The following ANGPT1 variants were observed in gnomAD, a reference collection of about 807,000 sequenced individuals.
The protein encoded by ANGPT1 is angiopoietin 1, also known as angiopoietin-1.
In ANGPT1, 17 loss-of-function variants were observed where a neutral mutation model predicts 62.2. That is an observed-to-expected ratio of 0.27 (90% CI 0.19 to 0.41). The LOEUF is 0.41. ANGPT1 is among the 10% of genes least tolerant of loss of function. The probability of loss-of-function intolerance (pLI) is 1.00; values close to 1 mark genes in which losing one functional copy is unlikely to be tolerated. For synonymous variants in ANGPT1, 199 were observed against 198.9 expected (o/e 1.00, Z 0.00); for missense variants, 478 against 594.9 (o/e 0.80, Z 2.04).
chr8:107,399,189 T>C (rs1251970990), intron 1 of ANGPT1, among the ~76,000 whole-genome samples: 1 of 152,140 alleles, frequency 6.6e-6, no homozygotes, highest in Non-Finnish European at 1.5e-5. Context: ...TCACTTCATC[T>C]CCTATTCCAG....
chr8:107,260,122 GA>G lies in ANGPT1; in HGVS notation c.1336+4098del, dbSNP rs1173967763. Among the ~76,000 whole-genome samples, 2 of 152,126 alleles carry G rather than the reference GA, an allele frequency of 1.3e-5. 1 individual carries two copies. The highest frequency in any genetic ancestry group is 2.9e-5 in the Non-Finnish European group (2 of 67,982). ...CCAAGAAATAAGGAAGTTAGGAAAT[GA>G]AGAACAAAGATCAAGTCCTACCTTG... On this transcript the variant is annotated intron_variant, in intron 8 of 8. Coordinates refer to ENST00000517746, the MANE Select transcript of ANGPT1 (RefSeq NM_001146.5).
chr8:107,406,460 A>G (rs1817149884), intron 1 of ANGPT1, among the ~76,000 whole-genome samples: 1 of 152,068 alleles, frequency 6.6e-6, no homozygotes, highest in Non-Finnish European at 1.5e-5. Flanking sequence ...TATATACTCT[A>G]GAGTGATATT....
At chr8:107,347,712 T>C (rs1270250206) in intron 1 of ANGPT1, among the ~76,000 whole-genome samples, 2 of 152,156 alleles carry the variant, frequency 1.3e-5, no homozygotes, top group Admixed American at 1.3e-4. Context: ...CAATGATATA[T>C]GAAATGAGCT....
chr8:107,376,762 G>A (rs932659465), intron 1 of ANGPT1, among the ~76,000 whole-genome samples: 18 of 151,988 alleles, frequency 1.2e-4, no homozygotes, highest in African/African-American at 4.4e-4. Context: ...TCTGACTTTC[G>A]GTTCTCACTA....
chr8:107,483,213 A>C (rs1049142003), intron 1 of ANGPT1, among the ~76,000 whole-genome samples: 12 of 152,196 alleles, frequency 7.9e-5, no homozygotes, highest in African/African-American at 2.9e-4. Context: ...TGCAAATTGC[A>C]CAAGTTTGAT....
At chr8:107,285,109 A>G (rs1364901581) in intron 6 of ANGPT1, among the ~76,000 whole-genome samples, 1 of 152,162 alleles carries the variant, frequency 6.6e-6, no homozygotes, top group Non-Finnish European at 1.5e-5. Flanking sequence ...TATAAAATAA[A>G]TCTAGTTAAT....
At chr8:107,451,076 C>T (rs970516662) in intron 1 of ANGPT1, among the ~76,000 whole-genome samples, 3 of 151,748 alleles carry the variant, frequency 2.0e-5, no homozygotes, top group African/African-American at 7.3e-5. Flanking sequence ...CTTTTAATGG[C>T]CATACCTTTA....
intron 8 of ANGPT1, among the ~76,000 whole-genome samples, chr8:107,257,504 T>C (rs1489450137): frequency 6.6e-6 from 1 of 152,200 alleles, no homozygotes; most frequent in African/African-American, 2.4e-5. Context: ...AAAACACCTC[T>C]CAACACTTCT....
intron 1 of ANGPT1, among the ~76,000 whole-genome samples, chr8:107,477,182 C>G (rs968504768): frequency 1.3e-4 from 20 of 152,148 alleles, no homozygotes; most frequent in Non-Finnish European, 1.5e-5. Context: ...CCTGACCTAT[C>G]ACACCTACTC....
chr8:107,346,151 C>T (rs555448535), intron 2 of ANGPT1, among the ~76,000 whole-genome samples: 1 of 152,066 alleles, frequency 6.6e-6, no homozygotes, highest in African/African-American at 2.4e-5. Context: ...ATGCCAGTAT[C>T]GCAAATGAAA....
intron 1 of ANGPT1, among the ~76,000 whole-genome samples, chr8:107,405,985 G>A (rs1817140906): frequency 6.6e-6 from 1 of 151,786 alleles, no homozygotes; most frequent in Non-Finnish European, 1.5e-5. Flanking sequence ...GGGTGTTTAT[G>A]TTTAAATAAT....
chr8:107,413,550 C>T lies in ANGPT1; in HGVS notation c.298-66453G>A, dbSNP rs559328702. Among the ~76,000 whole-genome samples, 372 of 150,542 alleles carry T rather than the reference C, an allele frequency of 2.5e-3. 2 individuals are homozygous for T. Among genetic ancestry groups the T allele is most frequent in the Non-Finnish European group, 4.3e-3 (291 of 67,748 alleles). ...GTGAACTATTACATATTAAATATTA[C>T]ATTAAATTAAAATAATAAATATTAA... On this transcript the variant is annotated intron_variant, in intron 1 of 8. Coordinates refer to ENST00000517746, the MANE Select transcript of ANGPT1 (RefSeq NM_001146.5).
At chr8:107,312,895 GA>G (rs1814910753) in intron 4 of ANGPT1, among the ~76,000 whole-genome samples, 1 of 152,060 alleles carries the variant, frequency 6.6e-6, no homozygotes, top group Admixed American at 6.5e-5. Context: ...CCTGCTCCCA[GA>G]TACTGGAGAG....
chr8:107,362,792 T>G (rs1485294009), intron 1 of ANGPT1, among the ~76,000 whole-genome samples: 1 of 152,176 alleles, frequency 6.6e-6, no homozygotes, highest in African/African-American at 2.4e-5. Context: ...CCATTTTTTT[T>G]CTGTAAAAAA....
intron 1 of ANGPT1, among the ~76,000 whole-genome samples, chr8:107,417,561 A>T (rs1810786810): frequency 6.6e-6 from 1 of 151,956 alleles, no homozygotes; most frequent in Non-Finnish European, 1.5e-5. Flanking sequence ...CGTTATTTTC[A>T]TTCCTGGGAA....
chr8:107,257,804 A>T (rs1438006637), intron 8 of ANGPT1, among the ~76,000 whole-genome samples: 1 of 152,010 alleles, frequency 6.6e-6, no homozygotes, highest in Non-Finnish European at 1.5e-5. Context: ...GCAGGAGGCA[A>T]AGAACCTTGC....
intron 2 of ANGPT1, among the ~76,000 whole-genome samples, chr8:107,337,245 TGAG>T (rs1815588875): frequency 6.6e-6 from 1 of 152,182 alleles, no homozygotes; most frequent in Non-Finnish European, 1.5e-5. Context: ...AAGGAGACGG[TGAG>T]TCAAACCAAT....
intron 1 of ANGPT1, among the ~76,000 whole-genome samples, chr8:107,421,661 G>C (rs953211963): frequency 3.9e-5 from 6 of 152,200 alleles, no homozygotes; most frequent in Non-Finnish European, 4.4e-5. Flanking sequence ...GCCGCTCTTT[G>C]AATTGTTTGC....
chr8:107,461,791 G>A (rs1408203927), intron 1 of ANGPT1, among the ~76,000 whole-genome samples: 1 of 152,036 alleles, frequency 6.6e-6, no homozygotes, highest in Non-Finnish European at 1.5e-5. Flanking sequence ...GAATAACTAT[G>A]TAAATAAATG....
Sources: allele counts gnomAD v4.1 joint callset (sites outside exome capture counted in the v4.1 genomes callset), GRCh38; gene constraint gnomAD v4.1.1; transcripts MANE v1.5; gene names NCBI Gene and HGNC (gene_info 2026-07-23, HGNC 2026-07-21).